Variants in PCDHGA12 observed in about 807,000 individuals in gnomAD.
PCDHGA12 encodes the protein protocadherin gamma subfamily A, 12.
In PCDHGA12, 43 loss-of-function variants were observed where a neutral mutation model predicts 61.1. That is an observed-to-expected ratio of 0.70 (90% CI 0.55 to 0.91). PCDHGA12 has a LOEUF of 0.91. PCDHGA12 is among the 40% of genes least tolerant of loss of function. The pLI, the probability that PCDHGA12 is intolerant of heterozygous loss-of-function variation, is 0.00. For synonymous variants in PCDHGA12, 520 were observed against 542.9 expected (o/e 0.96, Z 0.59); for missense variants, 1,236 against 1,227.7 (o/e 1.01, Z -0.10).
chr5:141,470,452 G>A (rs981528762), intron 1 of PCDHGA12, among the ~76,000 whole-genome samples: 1 of 152,130 alleles, frequency 6.6e-6, no homozygotes, highest in Admixed American at 6.5e-5. Flanking sequence ...ATAGCATCTT[G>A]AATAGGATTT....
chr5:141,493,330 A>G lies in PCDHGA12; in HGVS notation c.2425-1477A>G, dbSNP rs979607147. 6.6e-6 allele frequency among the ~76,000 whole-genome samples: 1 copy of G among 152,182 alleles called. No homozygotes were observed. Among genetic ancestry groups the G allele is most frequent in the Non-Finnish European group, 1.5e-5 (1 of 68,020 alleles). On this transcript the variant is annotated intron_variant, in intron 1 of 3. Coordinates refer to ENST00000252085, the MANE Select transcript of PCDHGA12 (RefSeq NM_003735.3). The surrounding 1 kb of genome is among the most constrained non-coding windows in gnomAD (Gnocchi z 4.3). ...GTAAGAGAGATTCTAACCCCTGTCT[A>G]ACTCCAGAATGTGTGCTTTTAATTT... is the stretch of plus-strand genomic sequence containing the variant.
In PCDHGA12 at chr5:141,480,033, C is replaced by G. The variant is rs370321166; in HGVS notation, c.2425-14774C>G. On this transcript the variant is annotated intron_variant, in intron 1 of 3. Coordinates refer to ENST00000252085, the MANE Select transcript of PCDHGA12 (RefSeq NM_003735.3). ...CTCAATCTCCTTTCTAAGCCTCTTC[C>G]TCATATGCAAAAAGGGAATAATAAG... is the stretch of plus-strand genomic sequence containing the variant. Among the ~76,000 whole-genome samples, 3 of 152,224 alleles carry G rather than the reference C, an allele frequency of 2.0e-5. No individual in the cohort carries two copies. The East Asian group carries it at 5.8e-4, about 29-fold the overall frequency.
chr5:141,450,179 A>G (rs1472867634), intron 1 of PCDHGA12, among the ~76,000 whole-genome samples: 1 of 151,100 alleles, frequency 6.6e-6, no homozygotes, highest in African/African-American at 2.4e-5. Flanking sequence ...CACCACACCC[A>G]GCTAATTTTT....
intron 1 of PCDHGA12, chr5:141,468,381 G>A (rs1297428363): frequency 2.0e-5 from 3 of 149,754 alleles, no homozygotes; most frequent in South Asian, 2.1e-4. Flanking sequence ...AGCCATACAA[G>A]GCTACCCATT....
chr5:141,488,441 C>T (rs1320712074), intron 1 of PCDHGA12, among the ~76,000 whole-genome samples: 1 of 152,206 alleles, frequency 6.6e-6, no homozygotes, highest in Non-Finnish European at 1.5e-5. Flanking sequence ...TGACCACCCT[C>T]CTGGGTGACC....
Position 141,431,388 on chromosome 5 carries a change from T to G in PCDHGA12, c.629T>G (p.Leu210Arg). 1 of 1,613,920 alleles carries G rather than the reference T, an allele frequency of 6.2e-7. No individual in the cohort carries two copies. The highest frequency in any genetic ancestry group is 8.5e-7 in the Non-Finnish European group (1 of 1,180,038). ...CGCGAAGAAAAGGCTGCTCACCACC[T>G]GGTCCTTACGGCCTCCGACGGGGGC... ...LDREEKAAHH[L>R]VLTASDGGDP... Residue 210 changes from leucine (L) to arginine (R), a missense_variant, in exon 1 of 4, where the codon CTG (leucine) becomes CGG (arginine). Leu to Arg is a moderately radical substitution (Grantham distance 102, BLOSUM62 -2). Transcript: ENST00000252085. The surrounding 1 kb of genome is among the most constrained non-coding windows in gnomAD (Gnocchi z 4.8).
rs1270804825 is a variant in PCDHGA12 at position 141,430,537 on chromosome 5, A to T, written c.-223A>T. 7.8e-6 allele frequency: 3 copies of T among 385,890 alleles called. No individual in the cohort carries two copies. Among genetic ancestry groups the T allele is most frequent in the African/African-American group, 2.1e-5 (1 of 48,146 alleles). The allele number at this position is 385,890 out of a possible 1,614,324, so 23.9% of individuals were successfully genotyped here. A position where few individuals can be genotyped will look rare whatever the true frequency, so the allele number is the denominator to read the frequency against. On this transcript the variant is annotated 5_prime_UTR_variant, in exon 1 of 4. Coordinates refer to ENST00000252085, the MANE Select transcript of PCDHGA12 (RefSeq NM_003735.3). ...TGTGCAGTAATTGGTTAGGACTCTG[A>T]GCGCCGCTGTTCACCAATCGGGGAG...
Position 141,487,660 on chromosome 5 carries a change from T to C in PCDHGA12, c.2425-7147T>C. Reference sequence around the variant, plus strand: ...AACAAATGCTTGAGGGTTATTCTGATCCAGGCATATGGCTAGGCCATGTCC... The same window carrying C: ...AACAAATGCTTGAGGGTTATTCTGACCCAGGCATATGGCTAGGCCATGTCC... On this transcript the variant is annotated intron_variant, in intron 1 of 3. Coordinates refer to ENST00000252085, the MANE Select transcript of PCDHGA12 (RefSeq NM_003735.3). The surrounding 1 kb of genome is among the most constrained non-coding windows in gnomAD (Gnocchi z 5.0). The C allele has an allele frequency of 6.2e-7, 1 of 1,613,442 alleles. No homozygotes were observed. The highest frequency in any genetic ancestry group is 8.5e-7 in the Non-Finnish European group (1 of 1,179,710).
At chr5:141,503,363 G>A (rs2099819478) in intron 2 of PCDHGA12, among the ~76,000 whole-genome samples, 2 of 152,132 alleles carry the variant, frequency 1.3e-5, no homozygotes, top group East Asian at 1.9e-4. Context: ...TTGGGAAGCG[G>A]AGGCAGGTGG....
chr5:141,491,549 A>T lies in PCDHGA12; in HGVS notation c.2425-3258A>T, dbSNP rs748281587. 18 of 1,613,860 alleles carry T rather than the reference A, an allele frequency of 1.1e-5. No homozygotes were observed. In the East Asian group the frequency reaches 3.8e-4, roughly 34 times the overall value. On this transcript the variant is annotated intron_variant, in intron 1 of 3. Coordinates refer to ENST00000252085, the MANE Select transcript of PCDHGA12 (RefSeq NM_003735.3). This position sits in a 1 kb window ranked among gnomAD's most constrained non-coding sequence, Gnocchi z 6.9. Reference sequence around the variant, plus strand: ...GTGACGCTGCGGCCCACAGACTCGCAGAGCCACTGCTACAGGACGTGCTTT... The same window carrying T: ...GTGACGCTGCGGCCCACAGACTCGCTGAGCCACTGCTACAGGACGTGCTTT...
At chr5:141,505,563 T>C in intron 3 of PCDHGA12, 82 bp downstream of exon 3, 1 of 1,603,814 alleles carries the variant, frequency 6.2e-7, no homozygotes, top group Non-Finnish European at 8.5e-7. Flanking sequence ...GCCCACGGAC[T>C]GGATGTCAAA....
chr5:141,459,486 G>A (rs764885682), intron 1 of PCDHGA12, among the ~76,000 whole-genome samples: 8 of 152,154 alleles, frequency 5.3e-5, no homozygotes, highest in Admixed American at 3.9e-4. Context: ...GTGCTATTCT[G>A]AATTAAAGTG....
chr5:141,492,880 T>C (rs1204475362), intron 1 of PCDHGA12, among the ~76,000 whole-genome samples: 2 of 152,184 alleles, frequency 1.3e-5, no homozygotes, highest in African/African-American at 4.8e-5. Context: ...CCCCCAGAGA[T>C]ACAGGCTTTT....
rs534356534 is a variant in PCDHGA12 at position 141,432,344 on chromosome 5, C to G, written c.1585C>G (p.Gln529Glu). ...CGACTACGAGCAGTTCCGAGACTTG[C>G]AAGTGAAAGTGATGGCGCGGGACAA... is the stretch of plus-strand genomic sequence containing the variant. ...SFDYEQFRDL[Q>E]VKVMARDNGH... The change falls in exon 1 of 4, where the codon CAA (glutamine) becomes GAA (glutamate). Residue 529 changes from glutamine (Q) to glutamate (E), a missense_variant. Gln to Glu is a conservative substitution (Grantham distance 29, BLOSUM62 2). Coordinates refer to ENST00000252085, the MANE Select transcript of PCDHGA12 (RefSeq NM_003735.3). This position sits in a 1 kb window ranked among gnomAD's most constrained non-coding sequence, Gnocchi z 6.0. 1.9e-5 allele frequency: 30 copies of G among 1,614,238 alleles called. No individual in the cohort carries two copies. In the East Asian group the frequency reaches 2.5e-4, roughly 13 times the overall value.
At chr5:141,463,265 A>G (rs2099055701) in intron 1 of PCDHGA12, among the ~76,000 whole-genome samples, 1 of 151,998 alleles carries the variant, frequency 6.6e-6, no homozygotes, top group African/African-American at 2.4e-5. Flanking sequence ...ACTCTATCCC[A>G]TAAATTCTGG....
chr5:141,490,585 G>C lies in PCDHGA12; in HGVS notation c.2425-4222G>C. On this transcript the variant is annotated intron_variant, in intron 1 of 3. Transcript: ENST00000252085. The surrounding 1 kb of genome is among the most constrained non-coding windows in gnomAD (Gnocchi z 5.4). Reference sequence around the variant, plus strand: ...CAGGCTCAACATTTCAGATGTCAATGACAATGCACCCCGCTTCAACCAGCA... The same window carrying C: ...CAGGCTCAACATTTCAGATGTCAATCACAATGCACCCCGCTTCAACCAGCA... The C allele has an allele frequency of 6.2e-7, 1 of 1,614,142 alleles. No homozygotes were observed. Among genetic ancestry groups the C allele is most frequent in the South Asian group, 1.1e-5 (1 of 91,078 alleles).
At position 141,430,555 on chromosome 5, in the gene PCDHGA12, TC is replaced by T. The variant is rs1232264614; in HGVS notation, c.-204del. ...GACTCTGAGCGCCGCTGTTCACCAA[TC>T]GGGGAGAGAAAAGCGGAGATCCTGC... On this transcript the variant is annotated 5_prime_UTR_variant, in exon 1 of 4. In the 5' UTR this introduces an upstream ATG that the reference lacks. Transcript: ENST00000252085. The T allele has an allele frequency of 9.7e-6, 4 of 411,788 alleles. No individual in the cohort carries two copies. Among genetic ancestry groups the T allele is most frequent in the Non-Finnish European group, 1.3e-5 (3 of 236,750 alleles). 25.5% of individuals were successfully genotyped at this position (411,788 alleles called of 1,614,324 possible). A position where few individuals can be genotyped will look rare whatever the true frequency, so the allele number is the denominator to read the frequency against.
In PCDHGA12 at chr5:141,432,513, G is replaced by T. The variant is rs755227021; in HGVS notation, c.1754G>T (p.Gly585Val). The change falls in exon 1 of 4, where the codon GGC becomes GTC. Residue 585 changes from glycine (G) to valine (V), a missense_variant. Coordinates refer to ENST00000252085, the MANE Select transcript of PCDHGA12 (RefSeq NM_003735.3). The surrounding 1 kb of genome is among the most constrained non-coding windows in gnomAD (Gnocchi z 6.0). ...VELAPRSAEP[G>V]YLVTKVVAVD... ...CTGGCTCCCCGCTCCGCAGAGCCCG[G>T]CTACCTGGTGACCAAGGTGGTGGCG... The T allele has an allele frequency of 3.1e-6, 5 of 1,614,102 alleles. No individual in the cohort carries two copies. Among genetic ancestry groups the T allele is most frequent in the African/African-American group, 2.7e-5 (2 of 75,062 alleles).
Position 141,432,136 on chromosome 5 carries a change from T to C in PCDHGA12, c.1377T>C (p.Ala459=), listed in dbSNP as rs766026174. 2 of 1,613,960 alleles carry C rather than the reference T, an allele frequency of 1.2e-6. No individual in the cohort carries two copies. The highest frequency in any genetic ancestry group is 1.7e-5 in the Admixed American group (1 of 59,996). The change falls in exon 1 of 4, where the codon GCT becomes GCC. Residue 459 remains alanine, a synonymous_variant. Transcript: ENST00000252085. The surrounding 1 kb of genome is among the most constrained non-coding windows in gnomAD (Gnocchi z 6.0). ...TCTTCCCTCAGGCCTCCTATTCCGC[T>C]TATATCCCAGAGAACAATCCCAGAG... ...PPVFPQASYS[A]YIPENNPRGV... is the part of the protein sequence containing the mutation.
Sources: allele counts gnomAD v4.1 joint callset (sites outside exome capture counted in the v4.1 genomes callset), GRCh38; gene constraint gnomAD v4.1.1; non-coding constraint Gnocchi (gnomAD v3.1); transcripts MANE v1.5; gene names NCBI Gene and HGNC (gene_info 2026-07-23, HGNC 2026-07-21).